Variants in GDAP1L1 observed in about 807,000 individuals in gnomAD.
GDAP1L1 encodes the protein ganglioside-induced differentiation-associated protein 1-like 1.
In GDAP1L1, 21 loss-of-function variants were observed where a neutral mutation model predicts 37.1. The ratio of observed to expected loss-of-function variants is 0.57; its 90% confidence interval spans 0.40 to 0.81. The LOEUF (loss-of-function observed/expected upper bound fraction) is 0.81. Ranked by LOEUF, GDAP1L1 falls within the 40% of genes least tolerant of loss-of-function variation. GDAP1L1 has a pLI of 0.00. For synonymous variants in GDAP1L1, 193 were observed against 209.1 expected, an observed-to-expected ratio of 0.92 and a Z score of 0.67; for missense variants, 362 against 491.6, an observed-to-expected ratio of 0.74 and a Z score of 2.49.
intron 3 of GDAP1L1, among the ~76,000 whole-genome samples, chr20:44,259,021 C>T (rs543275867): frequency 1.6e-4 from 24 of 152,000 alleles, no homozygotes; most frequent in African/African-American, 3.9e-4. Flanking sequence ...TTGTTCTCCC[C>T]GCACGAGTTT....
At chr20:44,247,148 G>A, upstream of GDAP1L1, 1 of 631,126 alleles carries the variant, frequency 1.6e-6, no homozygotes, top group Non-Finnish European at 2.8e-6. Context: ...GCGGGCCAGG[G>A]GGAGGAGGAG....
At chr20:44,266,513 G>A (rs2146031682) in intron 5 of GDAP1L1, among the ~76,000 whole-genome samples, 1 of 152,172 alleles carries the variant, frequency 6.6e-6, no homozygotes, top group East Asian at 1.9e-4. Context: ...TTATGCATTA[G>A]TTTCTTAGGA....
At chr20:44,268,651 AG>A (rs2062480712) in intron 5 of GDAP1L1, among the ~76,000 whole-genome samples, 1 of 152,242 alleles carries the variant, frequency 6.6e-6, no homozygotes, top group Non-Finnish European at 1.5e-5. Flanking sequence ...TGATATTCAA[AG>A]TGAGACCTGA....
rs756494444 is a variant in GDAP1L1, at chr20:44,263,344, CT to C, written c.645+18del. ...AAGCTCATGGTGAGTACCTCCCGGC[CT>C]GCTGAGTCCCCTTCCCTACGAGCTC... On this transcript the variant is annotated intron_variant, in intron 4 of 5. Coordinates refer to ENST00000342560, the MANE Select transcript of GDAP1L1 (RefSeq NM_024034.6). 3.3e-6 allele frequency: 5 copies of C among 1,532,164 alleles called. No homozygotes were observed. The highest frequency in any genetic ancestry group is 4.5e-6 in the Non-Finnish European group (5 of 1,105,308). The allele number at this position is 1,532,164 out of a possible 1,614,324, so 94.9% of individuals were successfully genotyped here. A position where few individuals can be genotyped will look rare whatever the true frequency, so the allele number is the denominator to read the frequency against.
At chr20:44,267,890 A>G (rs904210217) in intron 5 of GDAP1L1, among the ~76,000 whole-genome samples, 2 of 152,200 alleles carry the variant, frequency 1.3e-5, no homozygotes, top group African/African-American at 4.8e-5. Context: ...GTCTTCTGAG[A>G]GGAGACAGCA....
chr20:44,254,140 G>A (rs963747429), intron 1 of GDAP1L1, among the ~76,000 whole-genome samples: 3 of 152,196 alleles, frequency 2.0e-5, no homozygotes, highest in African/African-American at 4.8e-5. Flanking sequence ...GGCACAGGCC[G>A]CCCATGAGCT....
At chr20:44,254,222 TCACATGTACA>T (rs549123376) in intron 1 of GDAP1L1, among the ~76,000 whole-genome samples, 152 of 152,118 alleles carry the variant, frequency 1.0e-3, no homozygotes, top group African/African-American at 3.5e-3. Flanking sequence ...TGGCACACAC[TCACATGTACA>T]CACATGTGCA....
intron 3 of GDAP1L1, among the ~76,000 whole-genome samples, chr20:44,261,066 G>A (rs2073665096): frequency 6.6e-6 from 1 of 152,186 alleles, no homozygotes; most frequent in Non-Finnish European, 1.5e-5. Flanking sequence ...GGCACTGGGA[G>A]TCCAGAGCAG....
chr20:44,270,164 A>ATTTTTT (rs397756226), intron 5 of GDAP1L1, among the ~76,000 whole-genome samples: 19 of 100,588 alleles, frequency 1.9e-4, no homozygotes, highest in South Asian at 3.6e-4. Context: ...AGTGTCTTAA[A>ATTTTTT]TTTTTTTTTT....
chr20:44,264,875 C>T lies in GDAP1L1; in HGVS notation c.760+316C>T, dbSNP rs752475535. On this transcript the variant is annotated intron_variant, in intron 5 of 5. Transcript: ENST00000342560. ...AGAGTGCTTAGATCAGGGCTTAGCA[C>T]ACAGTAGGTGTTTAATAAAGGTAGG... is the stretch of plus-strand genomic sequence containing the variant. The T allele has an allele frequency of 4.8e-5, 53 of 1,098,630 alleles. 1 individual carries two copies. The highest frequency in any genetic ancestry group is 5.5e-5 in the Non-Finnish European group (49 of 892,738). 68.1% of individuals were successfully genotyped at this position (1,098,630 alleles called of 1,614,324 possible). A position where few individuals can be genotyped will look rare whatever the true frequency, so the allele number is the denominator to read the frequency against.
At chr20:44,253,569 T>C (rs6031477) in intron 1 of GDAP1L1, among the ~76,000 whole-genome samples, 21,342 of 152,218 alleles carry the variant, frequency 0.14, 2,187 homozygotes, top group East Asian at 0.36. Flanking sequence ...AATGCGGCAC[T>C]GTGGGTGATT....
Position 44,247,440 on chromosome 20 carries a change from G to A in GDAP1L1, c.106G>A (p.Ala36Thr), listed in dbSNP as rs375779631. The A allele has an allele frequency of 4.8e-5, 77 of 1,608,252 alleles. No homozygotes were observed. The African/African-American group carries it at 6.1e-4, about 13-fold the overall frequency. Residue 36 changes from alanine (A) to threonine (T), a missense_variant, in exon 1 of 6, where the codon GCG (alanine) becomes ACG (threonine). Physicochemically the swap from Ala to Thr is moderately conservative, Grantham distance 58. Around this residue, in one of 2 missense-constraint regions of GDAP1L1, gnomAD observed 277 missense variants for 337.1 expected, o/e 0.82. Transcript: ENST00000342560. ...AGCGGAGGCCCCCGACGCTCCCGAG[G>A]CGGCCAGCCCCGCCCATTGGCCCAG... The part of the protein sequence containing the change: ...KPAEAPDAPE[A>T]ASPAHWPRES...
At chr20:44,256,578 T>C (rs181255953) in intron 1 of GDAP1L1, among the ~76,000 whole-genome samples, 1 of 152,006 alleles carries the variant, frequency 6.6e-6, no homozygotes, top group East Asian at 1.9e-4. Flanking sequence ...GAGAATCGCT[T>C]GAGTCCAGGA....
At chr20:44,272,392 G>C (rs1209062193) in intron 5 of GDAP1L1, among the ~76,000 whole-genome samples, 1 of 152,188 alleles carries the variant, frequency 6.6e-6, no homozygotes, top group Non-Finnish European at 1.5e-5. Context: ...CATTGGCTGA[G>C]AGGGAGCTGG....
intron 2 of GDAP1L1, chr20:44,258,127 G>C: frequency 1.4e-6 from 1 of 716,838 alleles, no homozygotes; most frequent in Non-Finnish European, 2.6e-6. Flanking sequence ...AAAAGTCAAG[G>C]GGACCCAAGC....
intron 3 of GDAP1L1, among the ~76,000 whole-genome samples, chr20:44,261,861 G>A (rs957426279): frequency 1.3e-5 from 2 of 152,202 alleles, no homozygotes; most frequent in African/African-American, 4.8e-5. Flanking sequence ...GCTGAATCTA[G>A]AAGGAAGCTT....
intron 5 of GDAP1L1, among the ~76,000 whole-genome samples, chr20:44,277,957 C>T (rs1037087570): frequency 3.9e-5 from 6 of 152,018 alleles, no homozygotes; most frequent in African/African-American, 1.4e-4. Context: ...AGTTCAAGAC[C>T]AGCCTGGCCA....
chr20:44,248,198 G>A (rs2073369561), intron 1 of GDAP1L1, among the ~76,000 whole-genome samples: 1 of 152,216 alleles, frequency 6.6e-6, no homozygotes, highest in Admixed American at 6.5e-5. Flanking sequence ...GGACCTAGGG[G>A]ACCTGAGGGG....
chr20:44,247,118 G>A, upstream of GDAP1L1: 1 of 592,708 alleles, frequency 1.7e-6, no homozygotes. Flanking sequence ...CTGACACTGA[G>A]GGCTGGCGGC....
Sources: allele counts gnomAD v4.1 joint callset (sites outside exome capture counted in the v4.1 genomes callset), GRCh38; gene constraint gnomAD v4.1.1; regional missense constraint gnomAD v4.1.1; transcripts MANE v1.5; gene names NCBI Gene and HGNC (gene_info 2026-07-23, HGNC 2026-07-21).